Variants in DZIP1 observed in about 807,000 individuals in gnomAD.
DZIP1 encodes the protein cilium assembly protein DZIP1.
Under a neutral mutation model 107.6 loss-of-function variants are expected in DZIP1, and 97 were observed. The observed-to-expected ratio is 0.90, with a 90% CI of 0.77 to 1.07. DZIP1 has a LOEUF of 1.07. Among genes scored for constraint, DZIP1 ranks in the 50% least tolerant of loss-of-function variants. DZIP1 has a pLI of 0.00. For synonymous variants in DZIP1, 390 were observed against 386.4 expected, an observed-to-expected ratio of 1.01 and a Z score of -0.11; for missense variants, 1,035 against 1,063.6, an observed-to-expected ratio of 0.97 and a Z score of 0.37.
At chr13:95,627,819 T>G (rs914372343) in intron 7 of DZIP1, among the ~76,000 whole-genome samples, 1 of 152,182 alleles carries the variant, frequency 6.6e-6, no homozygotes, top group South Asian at 2.1e-4. Context: ...TATGTCCACA[T>G]AGAAACTGCC....
In DZIP1 at chr13:95,581,972, T is replaced by A. The variant is rs1164463958; in HGVS notation, c.*262A>T. ...TAGAGTACCTTTCTGAAGAAAAAAC[T>A]TTTTATGACTTCAATGACATGTTAT... On this transcript the variant is annotated 3_prime_UTR_variant, in exon 23 of 23. Transcript: ENST00000376829. The A allele has an allele frequency of 3.0e-6, 1 of 333,532 alleles. No individual in the cohort carries two copies. The highest frequency in any genetic ancestry group is 5.4e-6 in the Non-Finnish European group (1 of 184,854). The allele number at this position is 333,532 out of a possible 1,614,324, so 20.7% of individuals were successfully genotyped here. A position where few individuals can be genotyped will look rare whatever the true frequency, so the allele number is the denominator to read the frequency against.
At chr13:95,622,171 T>C (rs1168233040) in intron 9 of DZIP1, among the ~76,000 whole-genome samples, 172 bp downstream of exon 9, 1 of 152,220 alleles carries the variant, frequency 6.6e-6, no homozygotes, top group Non-Finnish European at 1.5e-5. Flanking sequence ...ACAGCAAGCA[T>C]GTAACAAACA....
intron 9 of DZIP1, among the ~76,000 whole-genome samples, chr13:95,621,700 G>GTT: frequency 6.7e-6 from 1 of 149,862 alleles, no homozygotes; most frequent in Non-Finnish European, 1.5e-5. Context: ...GTGTGTGTGT[G>GTT]TGTGTGTGTG....
At chr13:95,630,481 A>T (rs941292757) in intron 6 of DZIP1, among the ~76,000 whole-genome samples, 49 of 151,962 alleles carry the variant, frequency 3.2e-4, no homozygotes, top group Admixed American at 3.2e-3. Flanking sequence ...GAAGGCAAGC[A>T]ACAGCTTCCT....
At position 95,582,106 on chromosome 13, in the gene DZIP1, G is replaced by C. The variant is rs970955444; in HGVS notation, c.*128C>G. On this transcript the variant is annotated 3_prime_UTR_variant, in exon 23 of 23. Coordinates refer to ENST00000376829, the MANE Select transcript of DZIP1 (RefSeq NM_198968.4). Reference sequence around the variant, plus strand: ...GCCATTAAAGAGACCATTGTTCTTTGAATCAGTCTCTGTGTTGCTGTGGGA... The same window carrying C: ...GCCATTAAAGAGACCATTGTTCTTTCAATCAGTCTCTGTGTTGCTGTGGGA... 2 of 798,936 alleles carry C rather than the reference G, an allele frequency of 2.5e-6. No homozygotes were observed. The highest frequency in any genetic ancestry group is 4.2e-6 in the Non-Finnish European group (2 of 474,370). The allele number at this position is 798,936 out of a possible 1,614,324, so 49.5% of individuals were successfully genotyped here.
At chr13:95,618,076 G>A in intron 10 of DZIP1, 1 of 517,002 alleles carries the variant, frequency 1.9e-6, no homozygotes, top group East Asian at 5.5e-5. Flanking sequence ...ACTCAGAAGA[G>A]TTGTTTAGGC....
intron 10 of DZIP1, among the ~76,000 whole-genome samples, chr13:95,615,374 A>G (rs897074606): frequency 6.6e-6 from 1 of 152,190 alleles, no homozygotes. Flanking sequence ...TTCTGTCCCT[A>G]AATACCAATG....
Position 95,606,008 on chromosome 13 carries a change from AC to A in DZIP1, c.1471del (p.Val491CysfsTer14). 1 of 1,613,972 alleles carries A rather than the reference AC, an allele frequency of 6.2e-7. No individual in the cohort carries two copies. The highest frequency in any genetic ancestry group is 8.5e-7 in the Non-Finnish European group (1 of 1,179,914). ...AGACTATTACTGAAACTTACCATGC[AC>A]CATTGGCAGACTTGATTTAGTTTCC... is the stretch of plus-strand genomic sequence containing the variant. ...TLETKSSLPM[V>X]HEQAFSSHIL... On this transcript the variant is annotated frameshift_variant, in exon 14 of 23. Coordinates refer to ENST00000376829, the MANE Select transcript of DZIP1 (RefSeq NM_198968.4). LOFTEE classifies it high-confidence loss of function.
At chr13:95,642,726 G>A (rs1017338385) in intron 3 of DZIP1, among the ~76,000 whole-genome samples, 5 of 152,154 alleles carry the variant, frequency 3.3e-5, no homozygotes, top group South Asian at 2.1e-4. Flanking sequence ...TGTCCTTAAA[G>A]TTAAGGGTAC....
rs1455814156 is a variant in DZIP1, at chr13:95,581,032, A to G, written c.*1202T>C. On this transcript the variant is annotated 3_prime_UTR_variant, in exon 23 of 23. Transcript: ENST00000376829. ...AGAATGTCATATGGCATAGCAATCA[A>G]GGCCAGATTCTCCCTCTGTAAGACC... 6.6e-6 allele frequency: 1 copy of G among 152,240 alleles called. No homozygotes were observed. Among genetic ancestry groups the G allele is most frequent in the Admixed American group, 6.5e-5 (1 of 15,284 alleles). 9.4% of individuals were successfully genotyped at this position (152,240 alleles called of 1,614,324 possible). A position where few individuals can be genotyped will look rare whatever the true frequency, so the allele number is the denominator to read the frequency against.
At chr13:95,629,559 G>T (rs1209659938) in intron 7 of DZIP1, among the ~76,000 whole-genome samples, 2 of 152,124 alleles carry the variant, frequency 1.3e-5, no homozygotes, top group Non-Finnish European at 2.9e-5. Context: ...TCCCTCAATG[G>T]ACAGCCTGGA....
At chr13:95,611,701 A>G (rs933848124) in intron 11 of DZIP1, among the ~76,000 whole-genome samples, 4 of 152,200 alleles carry the variant, frequency 2.6e-5, no homozygotes, top group African/African-American at 9.7e-5. Flanking sequence ...AAACCTGTCC[A>G]TGTACACCTT....
chr13:95,617,340 C>A (rs9525032), intron 10 of DZIP1, among the ~76,000 whole-genome samples: 40,214 of 151,976 alleles, frequency 0.26, 6,326 homozygotes, highest in Non-Finnish European at 0.35. Flanking sequence ...GCCTCTGGAA[C>A]CTGATAGTCT....
intron 5 of DZIP1, among the ~76,000 whole-genome samples, chr13:95,640,143 C>T (rs777573004): frequency 5.9e-5 from 9 of 151,708 alleles, no homozygotes; most frequent in South Asian, 2.1e-4. Flanking sequence ...CAGGCACATG[C>T]CACCAAGCCC....
chr13:95,584,970 C>A, intron 21 of DZIP1, 60 bp from the exon 22 acceptor site: 4 of 1,447,670 alleles, frequency 2.8e-6, no homozygotes, highest in South Asian at 1.3e-5. Context: ...GTCCCTCAAT[C>A]ATTTTATTGG....
intron 7 of DZIP1, among the ~76,000 whole-genome samples, chr13:95,627,578 G>A (rs545347370): frequency 3.3e-5 from 5 of 152,274 alleles, no homozygotes; most frequent in African/African-American, 9.6e-5. Flanking sequence ...ATCAAACTCC[G>A]ATGAGATACC....
intron 6 of DZIP1, chr13:95,630,778 G>C (rs1435827157): frequency 4.7e-6 from 6 of 1,285,004 alleles, no homozygotes; most frequent in Non-Finnish European, 6.1e-6. Flanking sequence ...GAAAGGTATG[G>C]AAACCAAAGT....
At chr13:95,610,312 G>GA (rs1228302966) in intron 12 of DZIP1, among the ~76,000 whole-genome samples, 6 of 135,890 alleles carry the variant, frequency 4.4e-5, no homozygotes, top group Non-Finnish European at 1.0e-4. Flanking sequence ...AGAGTTTTTT[G>GA]GTTTTTTTTT....
rs2139501446 is a variant in DZIP1 at position 95,641,558 on chromosome 13, C to T, written c.334G>A (p.Gly112Arg). The T allele has an allele frequency of 1.9e-6, 3 of 1,613,926 alleles. No individual in the cohort carries two copies. Among genetic ancestry groups the T allele is most frequent in the Non-Finnish European group, 1.7e-6 (2 of 1,180,048 alleles). ...AGCTTCAGCAGCACCGGGTCCACCC[C>T]CGACTGGCAGTGTGGGCACTTCTCG... is the stretch of plus-strand genomic sequence containing the variant. Reference protein sequence around the residue: ...EDEKCPHCQSGVDPVLLKLIR... With the variant: ...EDEKCPHCQSRVDPVLLKLIR... Residue 112 changes from glycine (G) to arginine (R), a missense_variant, in exon 5 of 23, where the codon GGG becomes AGG. Coordinates refer to ENST00000376829, the MANE Select transcript of DZIP1 (RefSeq NM_198968.4). This position sits in a 1 kb window ranked among gnomAD's most constrained non-coding sequence, Gnocchi z 4.3.
Sources: gnomAD v4.1 joint callset for allele counts (sites outside exome capture counted in the v4.1 genomes callset) on GRCh38, gnomAD v4.1.1 for gene constraint, Gnocchi (gnomAD v3.1) non-coding constraint, MANE v1.5 for transcripts, NCBI Gene and HGNC (gene_info 2026-07-23, HGNC 2026-07-21) for gene names.